The following ZNF536 variants were observed in gnomAD, a reference collection of about 807,000 sequenced individuals.
ZNF536 encodes zinc finger protein 536.
A neutral mutation model predicts 84.5 loss-of-function variants in ZNF536; 13 were observed. That is an observed-to-expected ratio of 0.15 (90% CI 0.10 to 0.24). The LOEUF is 0.24. Among genes scored for constraint, ZNF536 ranks in the 10% least tolerant of loss-of-function variants. The probability of loss-of-function intolerance (pLI) is 1.00; values close to 1 mark genes in which losing one functional copy is unlikely to be tolerated. For missense variants in ZNF536, 1,536 were observed against 1,747.5 expected (o/e 0.88, Z 2.16); for synonymous variants, 811 against 742.5 (o/e 1.09, Z -1.50).
At chr19:30,650,703 G>T (rs2049668422) in intron 1 of ZNF536, among the ~76,000 whole-genome samples, 1 of 152,162 alleles carries the variant, frequency 6.6e-6, no homozygotes, top group Non-Finnish European at 1.5e-5. Context: ...ATACTGAACT[G>T]GGTAAATCCT....
At chr19:30,379,973 G>A (rs939747315) in intron 1 of ZNF536, among the ~76,000 whole-genome samples, 19 of 152,132 alleles carry the variant, frequency 1.2e-4, no homozygotes, top group Admixed American at 1.2e-3. Context: ...GATCCAGAGG[G>A]GTAAAAATTT....
chr19:30,522,262 C>CACAT (rs2044375836), intron 2 of ZNF536, among the ~76,000 whole-genome samples: 2 of 7,634 alleles, frequency 2.6e-4, no homozygotes, highest in African/African-American at 1.4e-3. Flanking sequence ...GATATATATA[C>CACAT]ATATATATAT....
intron 1 of ZNF536, among the ~76,000 whole-genome samples, chr19:30,399,186 CAT>C (rs1188433513): frequency 7.2e-5 from 11 of 152,086 alleles, no homozygotes; most frequent in Admixed American, 2.0e-4. Flanking sequence ...AGCTTTTTTT[CAT>C]ATGTTTGTCA....
downstream of ZNF536, among the ~76,000 whole-genome samples, chr19:30,563,008 C>T (rs1373018383): frequency 1.3e-5 from 2 of 152,170 alleles, no homozygotes; most frequent in African/African-American, 4.8e-5. Context: ...AAATGAGGCA[C>T]TCGTGTATCC....
intron 1 of ZNF536, among the ~76,000 whole-genome samples, chr19:30,654,461 T>C (rs376030729): frequency 2.0e-5 from 3 of 150,764 alleles, no homozygotes; most frequent in East Asian, 4.0e-4. Context: ...GTGGGTTGCA[T>C]TGGAGTCAGA....
intron 1 of ZNF536, among the ~76,000 whole-genome samples, chr19:30,675,148 G>T (rs559466035): frequency 6.6e-6 from 1 of 152,122 alleles, no homozygotes. Context: ...CTTGGAATCC[G>T]TTTGCCGCAC....
chr19:30,528,184 G>C (rs893218511), intron 2 of ZNF536, among the ~76,000 whole-genome samples: 1 of 152,086 alleles, frequency 6.6e-6, no homozygotes, highest in African/African-American at 2.4e-5. Context: ...GCTTGCTGGG[G>C]TAACTCTCCA....
At chr19:30,539,283 C>A (rs1311747301) in intron 3 of ZNF536, among the ~76,000 whole-genome samples, 2 of 152,070 alleles carry the variant, frequency 1.3e-5, no homozygotes, top group Non-Finnish European at 2.9e-5. Flanking sequence ...GAATGCAGAT[C>A]AATGTCCCAG....
chr19:30,656,072 G>A (rs1259953305), intron 1 of ZNF536, among the ~76,000 whole-genome samples: 2 of 151,788 alleles, frequency 1.3e-5, no homozygotes, highest in Non-Finnish European at 2.9e-5. Flanking sequence ...CACTTTCATT[G>A]ACATCTGCAT....
intron 2 of ZNF536, among the ~76,000 whole-genome samples, chr19:30,503,159 G>GCACACA (rs34574367): frequency 2.0e-5 from 3 of 148,464 alleles, no homozygotes; most frequent in Admixed American, 6.7e-5. Context: ...ATGTGTGTAT[G>GCACACA]CACACACACA....
chr19:30,624,374 C>T (rs1430392179), intron 1 of ZNF536, among the ~76,000 whole-genome samples: 1 of 152,186 alleles, frequency 6.6e-6, no homozygotes, highest in African/African-American at 2.4e-5. Context: ...GCCCTTACCT[C>T]ATCAACTGCT....
chr19:30,394,281 C>T (rs2147382753), intron 1 of ZNF536, among the ~76,000 whole-genome samples: 1 of 152,250 alleles, frequency 6.6e-6, no homozygotes, highest in East Asian at 1.9e-4. Context: ...GGTGTGCCCA[C>T]CTATTGCCTA....
chr19:30,240,213 A>G (rs1453319721), intron 1 of ZNF536, among the ~76,000 whole-genome samples: 1 of 152,038 alleles, frequency 6.6e-6, no homozygotes, highest in Non-Finnish European at 1.5e-5. Context: ...TACTAAAAAT[A>G]CAAAAAAAAA....
chr19:30,600,940 T>C (rs1299864368), intron 1 of ZNF536, among the ~76,000 whole-genome samples: 2 of 152,248 alleles, frequency 1.3e-5, no homozygotes, highest in Admixed American at 6.5e-5. Flanking sequence ...TTCGTTGTTT[T>C]TGTTGTTAAT....
At chr19:30,686,592 C>A (rs1271998141) in intron 1 of ZNF536, among the ~76,000 whole-genome samples, 1 of 152,218 alleles carries the variant, frequency 6.6e-6, no homozygotes, top group African/African-American at 2.4e-5. Context: ...CTTCGTCCTC[C>A]CTCTTAGTCC....
At chr19:30,456,915 G>T (rs556947296) in intron 2 of ZNF536, among the ~76,000 whole-genome samples, 1 of 151,950 alleles carries the variant, frequency 6.6e-6, no homozygotes, top group South Asian at 2.1e-4. Flanking sequence ...GGTGGTGGGC[G>T]CCTGTAATCC....
chr19:30,512,555 C>A (rs1220288534), intron 2 of ZNF536, among the ~76,000 whole-genome samples: 2 of 151,504 alleles, frequency 1.3e-5, no homozygotes, highest in African/African-American at 4.9e-5. Context: ...CAAATATTTT[C>A]TTTGGGTCAC....
In ZNF536 at chr19:30,548,551, T is replaced by C. The variant is rs202183350; in HGVS notation, c.2932T>C (p.Leu978=). ...SEKSQYEPLD[L]SVRPDAASLP... is the part of the protein sequence containing the mutation. ...GAAATCTCAGTATGAACCCCTGGAC[T>C]TGTCTGTGCGGCCAGATGCCGCCTC... is the stretch of plus-strand genomic sequence containing the variant. The change falls in exon 4 of 5, where the codon TTG becomes CTG. Residue 978 remains leucine, a synonymous_variant. Coordinates refer to ENST00000355537, the MANE Select transcript of ZNF536 (RefSeq NM_014717.3). The C allele has an allele frequency of 2.7e-5, 43 of 1,614,020 alleles. No homozygotes were observed. The highest frequency in any genetic ancestry group is 3.6e-5 in the Non-Finnish European group (43 of 1,180,040).
chr19:30,446,271 A>AAAAAAAAAAAAAAAAAAAAAAAAAG (rs1555767559), intron 2 of ZNF536, among the ~76,000 whole-genome samples: 1 of 147,160 alleles, frequency 6.8e-6, no homozygotes. Flanking sequence ...AAAAAAAAAA[A>AAAAAAAAAAAAAAAAAAAAAAAAAG]AAAGAAAGAA....
Sources: gnomAD v4.1 joint callset for allele counts (sites outside exome capture counted in the v4.1 genomes callset) on GRCh38, gnomAD v4.1.1 for gene constraint, MANE v1.5 for transcripts, NCBI Gene and HGNC (gene_info 2026-07-23, HGNC 2026-07-21) for gene names.